Variants in DBNL observed in about 807,000 individuals in gnomAD.
DBNL encodes drebrin like, also known as drebrin-like protein.
DBNL carries 35 observed loss-of-function variants against 62.2 expected under a neutral mutation model. The observed-to-expected ratio is 0.56, with a 90% CI of 0.43 to 0.75. DBNL has a LOEUF of 0.75. Ranked by LOEUF, DBNL falls within the 30% of genes least tolerant of loss-of-function variation. The pLI is 0.00. For missense variants in DBNL, 495 were observed against 578.4 expected (o/e 0.86, Z 1.48); for synonymous variants, 197 against 218.0 (o/e 0.90, Z 0.85).
chr7:44,055,056 C>T (rs577837775), intron 4 of DBNL, among the ~76,000 whole-genome samples: 77 of 152,244 alleles, frequency 5.1e-4, no homozygotes, highest in African/African-American at 1.2e-3. Flanking sequence ...TGGTTGATTC[C>T]GTATCTTGGC....
intron 4 of DBNL, among the ~76,000 whole-genome samples, chr7:44,056,185 T>G (rs1446650991): frequency 6.6e-6 from 1 of 152,168 alleles, no homozygotes; most frequent in Non-Finnish European, 1.5e-5. Context: ...CTTTCCCCAG[T>G]GTATGTTCCT....
chr7:44,059,636 C>A lies in DBNL; in HGVS notation c.1025C>A (p.Thr342Asn), dbSNP rs747343050. The part of the protein sequence containing the change: ...AVYEEPPEQE[T>N]FYEQPPLVQQ... Reference sequence around the variant, plus strand: ...TATGAGGAACCTCCAGAGCAGGAGACCTTCTACGAGCAGCCCCCACTGGTG... The same window carrying A: ...TATGAGGAACCTCCAGAGCAGGAGAACTTCTACGAGCAGCCCCCACTGGTG... The change falls in exon 11 of 13, where the codon ACC becomes AAC. Residue 342 changes from threonine to asparagine, a missense_variant. Thr to Asn is a moderately conservative substitution (Grantham distance 65). Coordinates refer to ENST00000448521, the MANE Select transcript of DBNL (RefSeq NM_001014436.3). This position sits in a 1 kb window ranked among gnomAD's most constrained non-coding sequence, Gnocchi z 4.1. The A allele has an allele frequency of 6.8e-6, 11 of 1,606,900 alleles. No homozygotes were observed. Among genetic ancestry groups the A allele is most frequent in the Non-Finnish European group, 8.5e-6 (10 of 1,179,612 alleles).
chr7:44,049,562 G>C (rs997928355), intron 1 of DBNL, among the ~76,000 whole-genome samples: 27 of 152,204 alleles, frequency 1.8e-4, no homozygotes, highest in Non-Finnish European at 2.9e-5. Context: ...CTTGCTCATG[G>C]GTACCTGTCC....
chr7:44,052,983 C>T, intron 4 of DBNL, 42 bp downstream of exon 4: 1 of 1,597,342 alleles, frequency 6.3e-7, no homozygotes, highest in Non-Finnish European at 8.5e-7. Flanking sequence ...ACAGGCCTCA[C>T]AGGCTTGAGG....
chr7:44,053,468 C>G (rs1039172641), intron 4 of DBNL, among the ~76,000 whole-genome samples: 7 of 152,158 alleles, frequency 4.6e-5, no homozygotes, highest in African/African-American at 1.7e-4. Context: ...AAAGGAGACT[C>G]AGAATTTTGA....
chr7:44,049,367 A>G (rs1347115942), intron 1 of DBNL, among the ~76,000 whole-genome samples: 1 of 152,202 alleles, frequency 6.6e-6, no homozygotes, highest in African/African-American at 2.4e-5. Context: ...CGTGTTAGCC[A>G]GAATGGTCTC....
chr7:44,053,923 G>T (rs181551978), intron 4 of DBNL, among the ~76,000 whole-genome samples: 4 of 152,064 alleles, frequency 2.6e-5, no homozygotes, highest in Non-Finnish European at 5.9e-5. Flanking sequence ...TGATTTGCCC[G>T]CCTTGGCCTC....
chr7:44,058,670 C>G (rs1224755253), intron 8 of DBNL, 190 bp downstream of exon 8: 2 of 880,794 alleles, frequency 2.3e-6, no homozygotes, highest in African/African-American at 3.4e-5. Flanking sequence ...CGGGCTTGGA[C>G]CACACCTGGT....
chr7:44,045,170 T>A (rs2096114748), intron 1 of DBNL, among the ~76,000 whole-genome samples: 1 of 152,192 alleles, frequency 6.6e-6, no homozygotes, highest in Non-Finnish European at 1.5e-5. Context: ...TTTCCAGTCC[T>A]GGGACTTCCC....
chr7:44,058,726 CT>C, intron 8 of DBNL, 175 bp from the exon 9 acceptor site: 2 of 861,460 alleles, frequency 2.3e-6, no homozygotes, highest in Non-Finnish European at 1.8e-6. Context: ...GTTTTACTTC[CT>C]TTTTTAACGT....
In DBNL at chr7:44,065,897, G is replaced by A. The variant is rs1315462360; in HGVS notation, c.*4981G>A. Reference sequence around the variant, plus strand: ...TAGCAGGGACAGAGGGGCTCTCCAGGGCAACGCTCAGTGGCCTATCAGCCA... The same window carrying A: ...TAGCAGGGACAGAGGGGCTCTCCAGAGCAACGCTCAGTGGCCTATCAGCCA... On this transcript the variant is annotated 3_prime_UTR_variant, in exon 13 of 13. Transcript: ENST00000448521. The A allele has an allele frequency of 2.5e-6, 1 of 395,870 alleles. No individual in the cohort carries two copies. Among genetic ancestry groups the A allele is most frequent in the Non-Finnish European group, 4.8e-6 (1 of 208,602 alleles). 24.5% of individuals were successfully genotyped at this position (395,870 alleles called of 1,614,324 possible). A position where few individuals can be genotyped will look rare whatever the true frequency, so the allele number is the denominator to read the frequency against.
Position 44,065,710 on chromosome 7 carries a change from G to A in DBNL, c.*4794G>A. 1.5e-6 allele frequency: 1 copy of A among 648,080 alleles called. No homozygotes were observed. The allele number at this position is 648,080 out of a possible 1,614,324, so 40.1% of individuals were successfully genotyped here. The stretch of plus-strand genomic sequence containing the variant: ...GGCTGGGGGCCAGGGGAGTGTGCAG[G>A]CCAAGAGGCTGTGCTTAAAATAGCC... On this transcript the variant is annotated 3_prime_UTR_variant, in exon 13 of 13. Coordinates refer to ENST00000448521, the MANE Select transcript of DBNL (RefSeq NM_001014436.3).
In DBNL at chr7:44,065,251, C is replaced by T. The variant is rs772976068; in HGVS notation, c.*4335C>T. The T allele has an allele frequency of 6.2e-7, 1 of 1,613,872 alleles. No homozygotes were observed. On this transcript the variant is annotated 3_prime_UTR_variant, in exon 13 of 13. Coordinates refer to ENST00000448521, the MANE Select transcript of DBNL (RefSeq NM_001014436.3). ...CTGCCTTGTTGAGGCCTGTGAGGCC[C>T]CCGTAATGCCGCTCATTGAGGCGCC...
chr7:44,056,486 A>G (rs982276028), intron 4 of DBNL, among the ~76,000 whole-genome samples: 1 of 152,230 alleles, frequency 6.6e-6, no homozygotes, highest in Non-Finnish European at 1.5e-5. Flanking sequence ...ACAGCAGGGA[A>G]CAGCTACAGA....
Position 44,062,604 on chromosome 7 carries a change from C to A in DBNL, c.*1688C>A. On this transcript the variant is annotated 3_prime_UTR_variant, in exon 13 of 13. Coordinates refer to ENST00000448521, the MANE Select transcript of DBNL (RefSeq NM_001014436.3). ...CTGATGACTAGGTGTGGGTACTAGGCTCCTGCCCCTGGTGACACACGTATG... is the reference window on the plus strand; with the variant it reads ...CTGATGACTAGGTGTGGGTACTAGGATCCTGCCCCTGGTGACACACGTATG... 1 of 711,180 alleles carries A rather than the reference C, an allele frequency of 1.4e-6. No individual in the cohort carries two copies. Among genetic ancestry groups the A allele is most frequent in the East Asian group, 2.7e-5 (1 of 36,946 alleles). The allele number at this position is 711,180 out of a possible 1,614,324, so 44.1% of individuals were successfully genotyped here. A position where few individuals can be genotyped will look rare whatever the true frequency, so the allele number is the denominator to read the frequency against.
At position 44,064,801 on chromosome 7, in the gene DBNL, A is replaced by AGC; in HGVS notation, c.*3885_*3886insGC. On this transcript the variant is annotated 3_prime_UTR_variant, in exon 13 of 13. Coordinates refer to ENST00000448521, the MANE Select transcript of DBNL (RefSeq NM_001014436.3). Reference sequence around the variant, plus strand: ...AGCCAGCTGGGGCTGCTGCCCACCCACCCTGCCCAGGCTCCTGAAGGTGGC... The same window carrying AGC: ...AGCCAGCTGGGGCTGCTGCCCACCCAGCCCCTGCCCAGGCTCCTGAAGGTGGC... The AGC allele has an allele frequency of 1.7e-5, 12 of 706,506 alleles. No individual in the cohort carries two copies. The highest frequency in any genetic ancestry group is 3.9e-5 in the East Asian group (1 of 25,338). 43.8% of individuals were successfully genotyped at this position (706,506 alleles called of 1,614,324 possible). A position where few individuals can be genotyped will look rare whatever the true frequency, so the allele number is the denominator to read the frequency against.
At chr7:44,048,177 A>C (rs2128789164) in intron 1 of DBNL, among the ~76,000 whole-genome samples, 1 of 152,282 alleles carries the variant, frequency 6.6e-6, no homozygotes, top group East Asian at 1.9e-4. Flanking sequence ...GGCCTCCCAA[A>C]GTGCTGGGAT....
intron 2 of DBNL, chr7:44,050,546 G>T (rs1339902331): frequency 1.9e-5 from 7 of 372,298 alleles, no homozygotes; most frequent in Non-Finnish European, 3.6e-5. Context: ...CTTGTGGGCA[G>T]CCTGCGTTGG....
Position 44,063,033 on chromosome 7 carries a change from A to T in DBNL, c.*2117A>T, listed in dbSNP as rs2096152177. On this transcript the variant is annotated 3_prime_UTR_variant, in exon 13 of 13. Transcript: ENST00000448521. Reference sequence around the variant, plus strand: ...GGTCCACAGAGCCAGTTCCCCTGGCACCAATTCCTTCCCAGCCCTGAGAAC... The same window carrying T: ...GGTCCACAGAGCCAGTTCCCCTGGCTCCAATTCCTTCCCAGCCCTGAGAAC... The T allele has an allele frequency of 1.6e-6, 2 of 1,248,742 alleles. No individual in the cohort carries two copies. The highest frequency in any genetic ancestry group is 2.9e-5 in the African/African-American group (2 of 67,874). The allele number at this position is 1,248,742 out of a possible 1,614,324, so 77.4% of individuals were successfully genotyped here. A position where few individuals can be genotyped will look rare whatever the true frequency, so the allele number is the denominator to read the frequency against.
Sources: gnomAD v4.1 joint callset for allele counts (sites outside exome capture counted in the v4.1 genomes callset) on GRCh38, gnomAD v4.1.1 for gene constraint, Gnocchi (gnomAD v3.1) non-coding constraint, MANE v1.5 for transcripts, NCBI Gene and HGNC (gene_info 2026-07-23, HGNC 2026-07-21) for gene names.